P2RX5: variants seen among roughly 807,000 people sequenced by gnomAD.
P2RX5 encodes P2X purinoceptor 5.
Under a neutral mutation model 54.1 loss-of-function variants are expected in P2RX5, and 46 were observed. The ratio of observed to expected loss-of-function variants is 0.85; its 90% confidence interval spans 0.67 to 1.09. The LOEUF (loss-of-function observed/expected upper bound fraction) is 1.09. Ranked by LOEUF, P2RX5 falls within the 50% of genes least tolerant of loss-of-function variation. The pLI is 0.00. For missense variants in P2RX5, 566 were observed against 549.8 expected (o/e 1.03, Z -0.29); for synonymous variants, 226 against 226.4 (o/e 1.00, Z 0.02).
the P2RX5 span, among the ~76,000 whole-genome samples, chr17:3,701,703 A>AT: frequency 0.52 from 49,319 of 94,498 alleles, 11,729 homozygotes; most frequent in South Asian, 0.71. Flanking sequence ...TCAGAAAAAA[A>AT]AAAAAAAAAA....
intron 9 of P2RX5, among the ~76,000 whole-genome samples, chr17:3,685,154 C>T (rs2050405141): frequency 6.6e-6 from 1 of 152,042 alleles, no homozygotes; most frequent in African/African-American, 2.4e-5. Flanking sequence ...CTAATCCTGC[C>T]CTCTTTTAGC....
chr17:3,683,427 C>G (rs1287470972), intron 9 of P2RX5, among the ~76,000 whole-genome samples: 1 of 152,212 alleles, frequency 6.6e-6, no homozygotes, highest in Non-Finnish European at 1.5e-5. Flanking sequence ...TGATTTTACC[C>G]ACATCACAAG....
intron 11 of P2RX5, chr17:3,677,284 C>T (rs989535635): frequency 6.1e-6 from 6 of 985,228 alleles, no homozygotes; most frequent in African/African-American, 1.7e-5. Context: ...AGGGCAGGAG[C>T]TCGGCAGGGT....
chr17:3,702,957 T>C, the P2RX5 span, among the ~76,000 whole-genome samples: 7 of 152,166 alleles, frequency 4.6e-5, no homozygotes, highest in African/African-American at 1.7e-4. Flanking sequence ...CAGTCTCTGA[T>C]AAAATCCTGG....
upstream of P2RX5, among the ~76,000 whole-genome samples, chr17:3,699,405 A>G (rs1007984370): frequency 2.6e-5 from 4 of 151,228 alleles, no homozygotes; most frequent in African/African-American, 9.7e-5. Context: ...AAAAAAATTG[A>G]CCAGGTGGGA....
chr17:3,673,756 C>A lies in P2RX5; in HGVS notation c.*112G>T, dbSNP rs2050035181. The A allele has an allele frequency of 6.2e-7, 1 of 1,610,376 alleles. No homozygotes were observed. ...TCCCTGTGATGTGGCATTGATAGCACCCAATGTACAAATTTCCCGTTGGGC... is the reference window on the plus strand; with the variant it reads ...TCCCTGTGATGTGGCATTGATAGCAACCAATGTACAAATTTCCCGTTGGGC... On this transcript the variant is annotated 3_prime_UTR_variant, in exon 12 of 12. Coordinates refer to ENST00000225328, the MANE Select transcript of P2RX5 (RefSeq NM_002561.4).
rs903080192 is a variant in P2RX5 at position 3,692,241 on chromosome 17, C to T, written c.138-447G>A. Among the ~76,000 whole-genome samples the T allele has an allele frequency of 5.3e-5, 8 of 151,898 alleles. No individual in the cohort carries two copies. The South Asian group carries it at 8.3e-4, about 16-fold the overall frequency. On this transcript the variant is annotated intron_variant, in intron 1 of 11. Transcript: ENST00000225328. Reference sequence around the variant, plus strand: ...CTGAGGCAGGAGAATGGCGTGAACCCGGGAGGCAGAGCTTGCAGTAAGCAG... The same window carrying T: ...CTGAGGCAGGAGAATGGCGTGAACCTGGGAGGCAGAGCTTGCAGTAAGCAG...
intron 11 of P2RX5, chr17:3,677,668 C>T (rs1487086751): frequency 9.1e-6 from 9 of 985,294 alleles, no homozygotes; most frequent in Admixed American, 6.1e-5. Flanking sequence ...GAATTACACG[C>T]GGGCCCCTCT....
intron 9 of P2RX5, chr17:3,685,657 T>TCTCCCTCCCTCCCG (rs1555569503): frequency 4.0e-5 from 3 of 75,844 alleles, no homozygotes; most frequent in African/African-American, 1.4e-4. Flanking sequence ...AGCGTCCCCC[T>TCTCCCTCCCTCCCG]CCCAGCCTGA....
At chr17:3,676,215 G>C (rs907487282) in intron 11 of P2RX5, 7 of 985,314 alleles carry the variant, frequency 7.1e-6, no homozygotes, top group Non-Finnish European at 7.2e-6. Context: ...ATACAACGGG[G>C]TAGGAGAAGA....
chr17:3,681,798 C>T, intron 10 of P2RX5, 98 bp downstream of exon 10: 1 of 829,448 alleles, frequency 1.2e-6, no homozygotes, highest in Non-Finnish European at 2.1e-6. Context: ...CCCTGCCTCC[C>T]ACCCCAGCCA....
chr17:3,689,684 G>A, intron 6 of P2RX5, 54 bp from the exon 7 acceptor site: 4 of 1,611,600 alleles, frequency 2.5e-6, no homozygotes, highest in Non-Finnish European at 2.5e-6. Context: ...ATGTTTCCCG[G>A]CCTGGCCAGG....
chr17:3,683,964 T>G (rs539755044), intron 9 of P2RX5, among the ~76,000 whole-genome samples: 30 of 152,282 alleles, frequency 2.0e-4, no homozygotes, highest in Non-Finnish European at 4.1e-4. Context: ...GGCTGTCTTG[T>G]GTGCACAGGG....
the P2RX5 span, among the ~76,000 whole-genome samples, chr17:3,712,911 C>G: frequency 6.6e-6 from 1 of 152,132 alleles, no homozygotes; most frequent in Non-Finnish European, 1.5e-5. Flanking sequence ...CCACTGCACT[C>G]CAGCGTGGGC....
chr17:3,690,025 T>A (rs2050565717), intron 6 of P2RX5, 45 bp downstream of exon 6: 1 of 1,564,644 alleles, frequency 6.4e-7, no homozygotes, highest in Non-Finnish European at 8.8e-7. Flanking sequence ...AGGCCCCTCA[T>A]CGACCAAGGC....
upstream of P2RX5, among the ~76,000 whole-genome samples, chr17:3,696,834 G>A (rs1016359991): frequency 6.6e-6 from 1 of 152,182 alleles, no homozygotes; most frequent in African/African-American, 2.4e-5. Flanking sequence ...TGAGGCCAGG[G>A]GAGGAAGGAA....
rs572252526 is a variant in P2RX5 at position 3,676,189 on chromosome 17, C to T, written c.1260-2312G>A. 260 of 985,298 alleles carry T rather than the reference C, an allele frequency of 2.6e-4. 1 individual carries two copies. The South Asian group carries it at 6.7e-3, about 25-fold the overall frequency. 61.0% of individuals were successfully genotyped at this position (985,298 alleles called of 1,614,324 possible). ...CTCCAGGTTTCTCACCTTGGGTTTA[C>T]GGGGAGACAACTCACATACAACGGG... On this transcript the variant is annotated intron_variant, in intron 11 of 11. Coordinates refer to ENST00000225328, the MANE Select transcript of P2RX5 (RefSeq NM_002561.4).
rs548350401 is a variant in P2RX5 at position 3,673,853 on chromosome 17, G to T, written c.*15C>A. ...GCTGGGTTTAGGACAGGGCCTGAAC[G>T]TAAGCAGAGGCAATTCACGTGCTCC... On this transcript the variant is annotated 3_prime_UTR_variant, in exon 12 of 12. Coordinates refer to ENST00000225328, the MANE Select transcript of P2RX5 (RefSeq NM_002561.4). 4 of 1,613,020 alleles carry T rather than the reference G, an allele frequency of 2.5e-6. No homozygotes were observed. In the South Asian group the frequency reaches 3.3e-5, roughly 13 times the overall value.
At chr17:3,719,727 A>ATTTATTTATT in the P2RX5 span, among the ~76,000 whole-genome samples, 1 of 151,590 alleles carries the variant, frequency 6.6e-6, no homozygotes, top group Admixed American at 6.6e-5. Context: ...TTCATTTTTT[A>ATTTATTTATT]TTTATTTATT....
Sources: gnomAD v4.1 joint callset for allele counts (sites outside exome capture counted in the v4.1 genomes callset) on GRCh38, gnomAD v4.1.1 for gene constraint, MANE v1.5 for transcripts, NCBI Gene and HGNC (gene_info 2026-07-23, HGNC 2026-07-21) for gene names.